The following KCNAB1 variants were observed in gnomAD, a reference collection of about 807,000 sequenced individuals.
KCNAB1 encodes the protein voltage-gated potassium channel subunit beta-1.
KCNAB1 carries 35 observed loss-of-function variants against 64.6 expected under a neutral mutation model. The ratio of observed to expected loss-of-function variants is 0.54; its 90% CI spans 0.41 to 0.72. The LOEUF is 0.72. KCNAB1 is among the 30% of genes least tolerant of loss of function. The probability of loss-of-function intolerance (pLI) is 0.00; values close to 1 mark genes in which losing one functional copy is unlikely to be tolerated. For synonymous variants in KCNAB1, 177 were observed against 183.8 expected (o/e 0.96, Z 0.30); for missense variants, 401 against 512.9 (o/e 0.78, Z 2.11).
chr3:156,434,136 A>C (rs887060185), intron 2 of KCNAB1, among the ~76,000 whole-genome samples: 8 of 152,208 alleles, frequency 5.3e-5, no homozygotes, highest in African/African-American at 1.9e-4. Flanking sequence ...AAGATTATGA[A>C]AAGCACTGAA....
chr3:156,407,976 G>A (rs547597068), intron 1 of KCNAB1, among the ~76,000 whole-genome samples: 9 of 152,282 alleles, frequency 5.9e-5, no homozygotes, highest in African/African-American at 2.2e-4. Context: ...AAAGGACTGA[G>A]ATGAGTGACA....
At chr3:156,351,830 C>T (rs575708930) in intron 1 of KCNAB1, among the ~76,000 whole-genome samples, 1 of 152,346 alleles carries the variant, frequency 6.6e-6, no homozygotes, top group Non-Finnish European at 1.5e-5. Flanking sequence ...GTCTCTCTCC[C>T]TGCCTCCCCT....
intron 8 of KCNAB1, among the ~76,000 whole-genome samples, chr3:156,500,442 C>T (rs1576945265): frequency 6.6e-6 from 1 of 151,972 alleles, no homozygotes; most frequent in African/African-American, 2.4e-5. Flanking sequence ...GAAAAAAAAC[C>T]TAATTAATAC....
rs1719168195 is a variant in KCNAB1 at position 156,537,928 on chromosome 3, A to C, written c.*1181A>C. 1 of 152,140 alleles carries C rather than the reference A, an allele frequency of 6.6e-6. No homozygotes were observed. The highest frequency in any genetic ancestry group is 1.5e-5 in the Non-Finnish European group (1 of 67,948). 9.4% of individuals were successfully genotyped at this position (152,140 alleles called of 1,614,324 possible). On this transcript the variant is annotated 3_prime_UTR_variant, in exon 14 of 14. Coordinates refer to ENST00000490337, the MANE Select transcript of KCNAB1 (RefSeq NM_172160.3). ...TTGCCTAGTGAAAAGCAAAATGTTAAAGAAAGAACTTCTGGTTCTATAATC... is the reference window on the plus strand; with the variant it reads ...TTGCCTAGTGAAAAGCAAAATGTTACAGAAAGAACTTCTGGTTCTATAATC...
At chr3:156,219,755 A>C (rs558621086) in intron 1 of KCNAB1, among the ~76,000 whole-genome samples, 1 of 151,582 alleles carries the variant, frequency 6.6e-6, no homozygotes, top group South Asian at 2.1e-4. Flanking sequence ...TCTAGGGTAC[A>C]TGTGAACAAC....
At chr3:156,118,381 G>A (rs112388157), upstream of KCNAB1, 3 of 448,318 alleles carry the variant, frequency 6.7e-6, no homozygotes, top group African/African-American at 2.0e-5. Flanking sequence ...AAGAGTGGTG[G>A]GTGAAAGCTG....
chr3:156,308,927 A>G (rs1455618127), intron 1 of KCNAB1, among the ~76,000 whole-genome samples: 1 of 152,210 alleles, frequency 6.6e-6, no homozygotes, highest in African/African-American at 2.4e-5. Context: ...AAAAATTGGC[A>G]CACACACTTG....
chr3:156,238,409 G>A (rs925919420), intron 1 of KCNAB1, among the ~76,000 whole-genome samples: 11 of 132,744 alleles, frequency 8.3e-5, no homozygotes, highest in Non-Finnish European at 1.6e-4. Flanking sequence ...GTGAAAGAGC[G>A]AGACTTGGTC....
intron 2 of KCNAB1, among the ~76,000 whole-genome samples, chr3:156,439,399 A>T (rs1716839809): frequency 6.6e-6 from 1 of 152,210 alleles, no homozygotes; most frequent in African/African-American, 2.4e-5. Flanking sequence ...AAAATAAAAT[A>T]AATAATTTCA....
intron 1 of KCNAB1, among the ~76,000 whole-genome samples, chr3:156,383,171 C>T (rs1053465456): frequency 6.6e-6 from 1 of 152,160 alleles, no homozygotes; most frequent in Non-Finnish European, 1.5e-5. Context: ...GGGGGCAGGG[C>T]AGAGCTCTCA....
chr3:156,381,231 A>G (rs1014282718), intron 1 of KCNAB1, among the ~76,000 whole-genome samples: 1 of 152,210 alleles, frequency 6.6e-6, no homozygotes, highest in African/African-American at 2.4e-5. Context: ...TTTTGCAGAT[A>G]GGTGGTGATA....
intron 1 of KCNAB1, among the ~76,000 whole-genome samples, chr3:156,347,127 C>T (rs535695456): frequency 6.6e-6 from 1 of 152,002 alleles, no homozygotes; most frequent in Non-Finnish European, 1.5e-5. Context: ...AAAGGTAACA[C>T]AAATTTTAAT....
chr3:156,201,206 C>T (rs1363374284), intron 1 of KCNAB1, among the ~76,000 whole-genome samples: 2 of 152,210 alleles, frequency 1.3e-5, no homozygotes, highest in African/African-American at 2.4e-5. Context: ...GCAGAAATCA[C>T]CCGCCTTCTG....
At chr3:156,378,609 C>T (rs78967052) in intron 1 of KCNAB1, among the ~76,000 whole-genome samples, 1,682 of 152,220 alleles carry the variant, frequency 0.011, 34 homozygotes, top group African/African-American at 0.038. Context: ...ATTTATTCAA[C>T]GTTAAATCAG....
intron 1 of KCNAB1, among the ~76,000 whole-genome samples, chr3:156,305,499 T>G (rs1214928634): frequency 6.6e-6 from 1 of 152,216 alleles, no homozygotes; most frequent in Non-Finnish European, 1.5e-5. Flanking sequence ...CTATGAGACT[T>G]GTCCTCTTCA....
At chr3:156,166,000 C>G (rs1392807025) in intron 1 of KCNAB1, among the ~76,000 whole-genome samples, 1 of 152,154 alleles carries the variant, frequency 6.6e-6, no homozygotes, top group African/African-American at 2.4e-5. Flanking sequence ...ATGTTGGGAA[C>G]TGGGGTGTGT....
At chr3:156,501,272 A>G (rs1206232166) in intron 8 of KCNAB1, among the ~76,000 whole-genome samples, 1 of 152,198 alleles carries the variant, frequency 6.6e-6, no homozygotes, top group African/African-American at 2.4e-5. Flanking sequence ...ATTTTTTAGA[A>G]TATTAAGTAA....
chr3:156,288,559 C>G (rs1002631093), intron 1 of KCNAB1, among the ~76,000 whole-genome samples: 11 of 152,190 alleles, frequency 7.2e-5, no homozygotes, highest in Admixed American at 3.9e-4. Flanking sequence ...AATTTCTGGG[C>G]TCCTGAGACC....
At chr3:156,311,240 C>T (rs1279780742) in intron 1 of KCNAB1, among the ~76,000 whole-genome samples, 1 of 152,178 alleles carries the variant, frequency 6.6e-6, no homozygotes, top group Admixed American at 6.5e-5. Context: ...ATTGAGCCAA[C>T]AGAGGCTCAG....
Sources: allele counts gnomAD v4.1 joint callset (sites outside exome capture counted in the v4.1 genomes callset), GRCh38; gene constraint gnomAD v4.1.1; transcripts MANE v1.5; gene names NCBI Gene and HGNC (gene_info 2026-07-23, HGNC 2026-07-21).